ST13: variants seen among roughly 807,000 people sequenced by gnomAD.
The protein encoded by ST13 is hsc70-interacting protein.
ST13 carries 23 observed loss-of-function variants against 56.7 expected under a neutral mutation model. The ratio of observed to expected loss-of-function variants is 0.41; its 90% CI spans 0.29 to 0.57. The LOEUF (loss-of-function observed/expected upper bound fraction) is 0.57, where lower values mean the gene tolerates loss of function less well. Ranked by LOEUF, ST13 falls within the 20% of genes least tolerant of loss-of-function variation. The pLI is 0.36. For missense variants in ST13, 369 were observed against 459.9 expected, an observed-to-expected ratio of 0.80 and a Z score of 1.81; for synonymous variants, 132 against 142.4, an observed-to-expected ratio of 0.93 and a Z score of 0.52.
intron 2 of ST13, among the ~76,000 whole-genome samples, chr22:40,848,782 T>C (rs183484839): frequency 7.4e-4 from 113 of 152,282 alleles, no homozygotes; most frequent in African/African-American, 2.6e-3. Context: ...AGTTTGAACA[T>C]TGACAATAAA....
intron 2 of ST13, 125 bp downstream of exon 2, chr22:40,850,698 G>C: frequency 1.4e-6 from 1 of 696,318 alleles, no homozygotes; most frequent in Non-Finnish European, 2.5e-6. Flanking sequence ...GGTCTTAAAA[G>C]GTCTTATTTC....
intron 1 of ST13, among the ~76,000 whole-genome samples, chr22:40,854,168 G>C (rs1441274212): frequency 6.6e-6 from 1 of 152,156 alleles, no homozygotes; most frequent in Non-Finnish European, 1.5e-5. Flanking sequence ...GTAGCATCAG[G>C]CCTAGGAAGA....
intron 1 of ST13, among the ~76,000 whole-genome samples, chr22:40,852,349 T>C (rs909622206): frequency 6.6e-6 from 1 of 152,222 alleles, no homozygotes; most frequent in African/African-American, 2.4e-5. Flanking sequence ...TTTTGTACAG[T>C]TCAACTCTCA....
At chr22:40,828,630 T>A (rs111264359) in intron 10 of ST13, among the ~76,000 whole-genome samples, 11 of 150,836 alleles carry the variant, frequency 7.3e-5, no homozygotes, top group East Asian at 5.8e-4. Context: ...AAAAAAAAAA[T>A]AATATAGAGA....
At chr22:40,852,373 T>C (rs779758034) in intron 1 of ST13, among the ~76,000 whole-genome samples, 3 of 152,240 alleles carry the variant, frequency 2.0e-5, no homozygotes, top group South Asian at 2.1e-4. Context: ...AGCTTTCTAA[T>C]AGATTGTCCT....
At chr22:40,836,198 C>T (rs2057776538) in intron 5 of ST13, among the ~76,000 whole-genome samples, 1 of 152,198 alleles carries the variant, frequency 6.6e-6, no homozygotes, top group African/African-American at 2.4e-5. Flanking sequence ...CGCCTGTAAT[C>T]CCAGCACTTT....
intron 8 of ST13, 109 bp downstream of exon 8, chr22:40,832,460 T>C: frequency 2.6e-6 from 2 of 762,018 alleles, no homozygotes; most frequent in Admixed American, 2.2e-5. Context: ...TATCTTCCAA[T>C]GGTTTGTTTC....
intron 5 of ST13, among the ~76,000 whole-genome samples, chr22:40,837,617 G>A (rs1007684047): frequency 6.6e-5 from 10 of 152,120 alleles, no homozygotes; most frequent in South Asian, 6.2e-4. Context: ...TTGCACTCCA[G>A]TCTGGGCAAC....
chr22:40,856,295 C>G, intron 1 of ST13, 136 bp downstream of exon 1: 2 of 738,236 alleles, frequency 2.7e-6, no homozygotes, highest in Non-Finnish European at 4.7e-6. Flanking sequence ...CATGACCCCT[C>G]GAAGTTGCCT....
At chr22:40,834,118 A>G (rs914653671) in intron 7 of ST13, among the ~76,000 whole-genome samples, 1 of 152,100 alleles carries the variant, frequency 6.6e-6, no homozygotes, top group Non-Finnish European at 1.5e-5. Flanking sequence ...TCTACCAAAA[A>G]TACAAAACAT....
rs1318783505 is a variant in ST13 at position 40,826,390 on chromosome 22, T to A, written c.*148A>T. On this transcript the variant is annotated 3_prime_UTR_variant, in exon 12 of 12. Coordinates refer to ENST00000216218, the MANE Select transcript of ST13 (RefSeq NM_003932.5). ...CCACTGTAAAATGCTTCAGCTGCAT[T>A]TGGGGGAGAGGGGTAGGGATTATCT... is the stretch of plus-strand genomic sequence containing the variant. The A allele has an allele frequency of 2.6e-5, 16 of 606,958 alleles. No individual in the cohort carries two copies. The highest frequency in any genetic ancestry group is 2.7e-5 in the Admixed American group (1 of 37,106). 37.6% of individuals were successfully genotyped at this position (606,958 alleles called of 1,614,324 possible). A position where few individuals can be genotyped will look rare whatever the true frequency, so the allele number is the denominator to read the frequency against.
chr22:40,855,979 C>A (rs1293083906), intron 1 of ST13, among the ~76,000 whole-genome samples: 1 of 151,796 alleles, frequency 6.6e-6, no homozygotes, highest in Non-Finnish European at 1.5e-5. Context: ...TTTATTCTTA[C>A]TAGTTTTGTA....
intron 9 of ST13, among the ~76,000 whole-genome samples, chr22:40,830,558 T>C (rs1012438268): frequency 1.3e-5 from 2 of 152,180 alleles, no homozygotes; most frequent in Non-Finnish European, 2.9e-5. Flanking sequence ...CAAACAATAA[T>C]ACTGTCACAT....
At position 40,829,955 on chromosome 22, in the gene ST13, C is replaced by A. The variant is rs939562411; in HGVS notation, c.799-281G>T. On this transcript the variant is annotated intron_variant, in intron 9 of 11. Coordinates refer to ENST00000216218, the MANE Select transcript of ST13 (RefSeq NM_003932.5). ...AGTACTAATATGAAAACTCTAAATT[C>A]ATCCTGGCTTTAAAACACCCATAGG... is the stretch of plus-strand genomic sequence containing the variant. Among the ~76,000 whole-genome samples, 7 of 152,268 alleles carry A rather than the reference C, an allele frequency of 4.6e-5. No homozygotes were observed. The East Asian group carries it at 1.4e-3, about 29-fold the overall frequency.
intron 3 of ST13, among the ~76,000 whole-genome samples, chr22:40,846,163 C>T (rs1194880111): frequency 6.6e-6 from 1 of 151,868 alleles, no homozygotes; most frequent in Non-Finnish European, 1.5e-5. Context: ...CTCCAACTCC[C>T]GACCTCAGGT....
intron 1 of ST13, among the ~76,000 whole-genome samples, chr22:40,855,225 G>A (rs2057883742): frequency 6.6e-6 from 1 of 152,210 alleles, no homozygotes; most frequent in Admixed American, 6.5e-5. Flanking sequence ...GGAGGCGGGG[G>A]AGTCCCTTGA....
intron 2 of ST13, 88 bp downstream of exon 2, chr22:40,850,735 G>T: frequency 2.1e-6 from 2 of 949,522 alleles, no homozygotes; most frequent in East Asian, 2.5e-5. Context: ...AATCAGGAGT[G>T]ATAACTGGAG....
Position 40,824,834 on chromosome 22 carries a change from A to C in ST13, c.*1704T>G, listed in dbSNP as rs902069971. On this transcript the variant is annotated 3_prime_UTR_variant, in exon 12 of 12. Coordinates refer to ENST00000216218, the MANE Select transcript of ST13 (RefSeq NM_003932.5). ...GATTTAAAAAGCATGCTCCATCAGC[A>C]TAATAGCTTTTTCTCATTTATGTAA... 7.2e-5 allele frequency: 11 copies of C among 152,222 alleles called. No individual in the cohort carries two copies. The highest frequency in any genetic ancestry group is 2.4e-4 in the African/African-American group (10 of 41,452). 9.4% of individuals were successfully genotyped at this position (152,222 alleles called of 1,614,324 possible). A position where few individuals can be genotyped will look rare whatever the true frequency, so the allele number is the denominator to read the frequency against.
intron 4 of ST13, among the ~76,000 whole-genome samples, chr22:40,843,849 A>C (rs2057816846): frequency 6.6e-6 from 1 of 152,136 alleles, no homozygotes; most frequent in African/African-American, 2.4e-5. Context: ...TAAACATTTA[A>C]ATATGCTCAG....
Sources: gnomAD v4.1 joint callset for allele counts (sites outside exome capture counted in the v4.1 genomes callset) on GRCh38, gnomAD v4.1.1 for gene constraint, MANE v1.5 for transcripts, NCBI Gene and HGNC (gene_info 2026-07-23, HGNC 2026-07-21) for gene names.